The following EXT2 variants were observed in gnomAD, a reference collection of about 807,000 sequenced individuals.
EXT2 encodes exostosin-2.
EXT2 carries 53 observed loss-of-function variants against 81.6 expected under a neutral mutation model. The ratio of observed to expected loss-of-function variants is 0.65; its 90% CI spans 0.52 to 0.82. The LOEUF (loss-of-function observed/expected upper bound fraction) is 0.82, where lower values mean the gene tolerates loss of function less well. EXT2 is among the 40% of genes least tolerant of loss of function. The probability of loss-of-function intolerance (pLI) is 0.00; values close to 1 mark genes in which losing one functional copy is unlikely to be tolerated. For missense variants in EXT2, 774 were observed against 910.2 expected, an observed-to-expected ratio of 0.85 and a Z score of 1.93; for synonymous variants, 320 against 340.0, an observed-to-expected ratio of 0.94 and a Z score of 0.65.
At chr11:44,142,849 A>G (rs771050274) in intron 7 of EXT2, among the ~76,000 whole-genome samples, 2 of 152,234 alleles carry the variant, frequency 1.3e-5, no homozygotes, top group Non-Finnish European at 2.9e-5. Flanking sequence ...TCAGCTTAGA[A>G]TAACTCCAAA....
chr11:44,169,395 G>C (rs1187452950), intron 7 of EXT2, among the ~76,000 whole-genome samples: 1 of 151,998 alleles, frequency 6.6e-6, no homozygotes, highest in Non-Finnish European at 1.5e-5. Flanking sequence ...GATGTTTACT[G>C]TAGTTGCTAG....
Position 44,114,249 on chromosome 11 carries a change from C to G in EXT2, c.691C>G (p.Pro231Ala), listed in dbSNP as rs2134984961. Reference sequence around the variant, plus strand: ...CCGGCAAGGCTACGATGTCAGCATTCCTGTCTATAGTCCACTGTCAGCTGA... The same window carrying G: ...CCGGCAAGGCTACGATGTCAGCATTGCTGTCTATAGTCCACTGTCAGCTGA... ...TYRQGYDVSI[P>A]VYSPLSAEVD... is the part of the protein sequence containing the mutation. The change falls in exon 4 of 14, where the codon CCT (proline) becomes GCT (alanine). Residue 231 changes from proline to alanine, a missense_variant. Physicochemically the swap from Pro to Ala is conservative, Grantham distance 27. Around this residue, in one of 2 missense-constraint regions of EXT2, gnomAD observed 626 missense variants for 670.5 expected, o/e 0.93. Coordinates refer to ENST00000533608, the MANE Select transcript of EXT2 (RefSeq NM_207122.2). 3.7e-6 allele frequency: 6 copies of G among 1,614,118 alleles called. No individual in the cohort carries two copies. Among genetic ancestry groups the G allele is most frequent in the Non-Finnish European group, 5.1e-6 (6 of 1,179,978 alleles).
chr11:44,183,000 G>T (rs569482941), intron 8 of EXT2, among the ~76,000 whole-genome samples: 26 of 152,174 alleles, frequency 1.7e-4, no homozygotes, highest in African/African-American at 6.0e-4. Context: ...TTTGATTTGG[G>T]TTTATTATTT....
intron 8 of EXT2, among the ~76,000 whole-genome samples, chr11:44,189,148 G>A (rs1342510276): frequency 6.6e-6 from 1 of 152,178 alleles, no homozygotes; most frequent in Non-Finnish European, 1.5e-5. Flanking sequence ...TGTTAGTTCA[G>A]TACCCCCAAA....
chr11:44,098,694 C>CAA (rs781017263), intron 1 of EXT2, among the ~76,000 whole-genome samples: 28 of 72,406 alleles, frequency 3.9e-4, no homozygotes, highest in African/African-American at 5.3e-4. Flanking sequence ...GATTCTGTCT[C>CAA]AAAAAAAAAA....
At chr11:44,218,066 C>A (rs1955740055) in intron 10 of EXT2, among the ~76,000 whole-genome samples, 1 of 152,196 alleles carries the variant, frequency 6.6e-6, no homozygotes, top group Non-Finnish European at 1.5e-5. Context: ...CCTTTTACAA[C>A]CTGGGCATCT....
chr11:44,110,342 A>C (rs1040991444), intron 3 of EXT2, among the ~76,000 whole-genome samples: 1 of 152,206 alleles, frequency 6.6e-6, no homozygotes, highest in Admixed American at 6.5e-5. Context: ...ACACAAGACA[A>C]ACACTCCAGG....
In EXT2 at chr11:44,246,715, C is replaced by T. The variant is rs180904177; in HGVS notation, c.*2428C>T. ...AAGACAGGGATATAGCAGGTGATGGCGATTCATGGATTCAGAGTGGGCTAG... is the reference window on the plus strand; with the variant it reads ...AAGACAGGGATATAGCAGGTGATGGTGATTCATGGATTCAGAGTGGGCTAG... On this transcript the variant is annotated 3_prime_UTR_variant, in exon 14 of 14. Transcript: ENST00000533608. 2.0e-5 allele frequency among the ~76,000 whole-genome samples: 3 copies of T among 152,228 alleles called. No individual in the cohort carries two copies. Among genetic ancestry groups the T allele is most frequent in the Admixed American group, 6.5e-5 (1 of 15,284 alleles).
At position 44,117,504 on chromosome 11, in the gene EXT2, G is replaced by T. The variant is rs140330738; in HGVS notation, c.743+3203G>T. On this transcript the variant is annotated intron_variant, in intron 4 of 13. Coordinates refer to ENST00000533608, the MANE Select transcript of EXT2 (RefSeq NM_207122.2). ...ATTTTTGTATGTGGTATAAGGTGGG[G>T]GTCCAACTTCATTCTTTTGCTTGTG... Among the ~76,000 whole-genome samples the T allele has an allele frequency of 2.9e-3, 444 of 152,124 alleles. 2 individuals are homozygous for T. The highest frequency in any genetic ancestry group is 9.9e-3 in the African/African-American group (410 of 41,484).
intron 8 of EXT2, among the ~76,000 whole-genome samples, chr11:44,190,855 C>G (rs1188523593): frequency 2.0e-5 from 3 of 152,174 alleles, no homozygotes; most frequent in Non-Finnish European, 2.9e-5. Context: ...GCTCACACAG[C>G]TACCATGACC....
intron 5 of EXT2, among the ~76,000 whole-genome samples, chr11:44,126,230 GA>G (rs1954401790): frequency 1.3e-5 from 2 of 152,240 alleles, no homozygotes; most frequent in Admixed American, 6.5e-5. Flanking sequence ...TTTTTCATTA[GA>G]TTTTTTTTAT....
chr11:44,132,923 T>A (rs1234018291), intron 7 of EXT2, among the ~76,000 whole-genome samples: 2 of 152,110 alleles, frequency 1.3e-5, no homozygotes, highest in Non-Finnish European at 2.9e-5. Context: ...ATTTCTAGAG[T>A]GGGCTGATCT....
At chr11:44,124,182 C>A (rs1954360031) in intron 4 of EXT2, among the ~76,000 whole-genome samples, 1 of 152,158 alleles carries the variant, frequency 6.6e-6, no homozygotes, top group Non-Finnish European at 1.5e-5. Flanking sequence ...TTGTTTTCAA[C>A]TACCAATTCG....
chr11:44,229,383 A>G (rs1182466315), intron 10 of EXT2, among the ~76,000 whole-genome samples: 1 of 152,234 alleles, frequency 6.6e-6, no homozygotes, highest in African/African-American at 2.4e-5. Context: ...ATTTGTCTGC[A>G]GCTATTATGA....
intron 10 of EXT2, among the ~76,000 whole-genome samples, chr11:44,214,127 T>C (rs559486002): frequency 1.5e-3 from 229 of 151,230 alleles, no homozygotes; most frequent in African/African-American, 5.3e-3. Flanking sequence ...TCTTCTTCTT[T>C]TTTTTTGAGA....
rs912664568 is a variant in EXT2, at chr11:44,096,139, C to T, written c.-31+287C>T. ...CCTGTTCTCCTAGCCAACCTTCGCCCCCAGTCCGCTCCTTCCTTTCCTCCT... is the reference window on the plus strand; with the variant it reads ...CCTGTTCTCCTAGCCAACCTTCGCCTCCAGTCCGCTCCTTCCTTTCCTCCT... On this transcript the variant is annotated intron_variant, in intron 1 of 13. Coordinates refer to ENST00000533608, the MANE Select transcript of EXT2 (RefSeq NM_207122.2). 2.7e-4 allele frequency: 277 copies of T among 1,024,050 alleles called. No individual in the cohort carries two copies. In the Middle Eastern group the frequency reaches 3.2e-3, roughly 12 times the overall value. 63.4% of individuals were successfully genotyped at this position (1,024,050 alleles called of 1,614,324 possible).
chr11:44,212,298 TATAAATAAATAAATAA>T (rs55649714), intron 10 of EXT2, among the ~76,000 whole-genome samples: 33,749 of 80,230 alleles, frequency 0.42, 5,136 homozygotes, highest in East Asian at 0.56. Flanking sequence ...AAAATAAAAA[TATAAATAAATAAATAA>T]ATAAATAAAT....
intron 5 of EXT2, among the ~76,000 whole-genome samples, chr11:44,125,738 CA>C (rs1954392273): frequency 6.6e-6 from 1 of 151,366 alleles, no homozygotes; most frequent in Admixed American, 6.6e-5. Flanking sequence ...AAAATACATT[CA>C]AAAAGTGCTG....
intron 10 of EXT2, among the ~76,000 whole-genome samples, chr11:44,213,658 CAATAGG>C (rs778674828): frequency 6.6e-6 from 1 of 152,052 alleles, no homozygotes; most frequent in Non-Finnish European, 1.5e-5. Context: ...GAAGATAAAT[CAATAGG>C]AATTCTCCAG....
Sources: gnomAD v4.1 joint callset for allele counts (sites outside exome capture counted in the v4.1 genomes callset) on GRCh38, gnomAD v4.1.1 for gene constraint, gnomAD v4.1.1 regional missense constraint, MANE v1.5 for transcripts, NCBI Gene and HGNC (gene_info 2026-07-23, HGNC 2026-07-21) for gene names.